RREB1: variants seen among roughly 807,000 people sequenced by gnomAD.
The protein encoded by RREB1 is ras-responsive element-binding protein 1.
Under a neutral mutation model 117.8 loss-of-function variants are expected in RREB1, and 27 were observed. The ratio of observed to expected loss-of-function variants is 0.23; its 90% CI spans 0.17 to 0.32. The LOEUF (loss-of-function observed/expected upper bound fraction) is 0.32. Among genes scored for constraint, RREB1 ranks in the 10% least tolerant of loss-of-function variants. The pLI, the probability that RREB1 is intolerant of heterozygous loss-of-function variation, is 1.00. For missense variants in RREB1, 2,577 were observed against 2,378.2 expected, an observed-to-expected ratio of 1.08 and a Z score of -1.74; for synonymous variants, 1,298 against 1,026.7, an observed-to-expected ratio of 1.26 and a Z score of -5.05.
chr6:7,200,625 T>G (rs1170420378), intron 6 of RREB1, among the ~76,000 whole-genome samples: 1 of 152,230 alleles, frequency 6.6e-6, no homozygotes, highest in Admixed American at 6.5e-5. Flanking sequence ...TGCTTACTTT[T>G]GATTTAGAAT....
At chr6:7,108,316 TTCCTCC>T (rs143321297) in intron 1 of RREB1, among the ~76,000 whole-genome samples, 12 of 148,172 alleles carry the variant, frequency 8.1e-5, no homozygotes, top group East Asian at 6.0e-4. Context: ...CGCCGGGCCA[TTCCTCC>T]TCCTCCTCCT....
rs558409864 is a variant in RREB1, at chr6:7,231,545, C to T, written c.3446C>T (p.Thr1149Met). 6.2e-6 allele frequency: 10 copies of T among 1,609,320 alleles called. No individual in the cohort carries two copies. Among genetic ancestry groups the T allele is most frequent in the African/African-American group, 5.3e-5 (4 of 74,856 alleles). ...ASPTEQGPAG[T>M]SKKRGRKRGM... ...CCCACCGAGCAGGGCCCAGCGGGCACGTCGAAGAAGAGGGGCCGGAAAAGG... is the reference window on the plus strand; with the variant it reads ...CCCACCGAGCAGGGCCCAGCGGGCATGTCGAAGAAGAGGGGCCGGAAAAGG... The change falls in exon 10 of 13, where the codon ACG (threonine) becomes ATG (methionine). Residue 1149 changes from threonine to methionine, a missense_variant. Coordinates refer to ENST00000379938, the MANE Select transcript of RREB1 (RefSeq NM_001003699.4).
chr6:7,171,822 T>C (rs1014043885), intron 1 of RREB1, among the ~76,000 whole-genome samples: 74 of 152,050 alleles, frequency 4.9e-4, no homozygotes, highest in African/African-American at 1.7e-3. Context: ...CAGGCAGATA[T>C]TCTGGGGCAA....
At chr6:7,227,489 C>T (rs954061743) in intron 9 of RREB1, among the ~76,000 whole-genome samples, 2 of 151,666 alleles carry the variant, frequency 1.3e-5, no homozygotes, top group Non-Finnish European at 2.9e-5. Flanking sequence ...TGCAGTGAGT[C>T]GAGATCGCGC....
intron 4 of RREB1, 28 bp downstream of exon 4, chr6:7,182,110 C>T: frequency 6.3e-7 from 1 of 1,595,086 alleles, no homozygotes; most frequent in South Asian, 1.1e-5. Flanking sequence ...GTGGTGACCT[C>T]TGGTGGGTTC....
chr6:7,234,230 T>G (rs1768170002), intron 10 of RREB1, among the ~76,000 whole-genome samples: 2 of 152,242 alleles, frequency 1.3e-5, no homozygotes, highest in African/African-American at 2.4e-5. Context: ...CAATGTCTTT[T>G]GCTACCCTTT....
rs148118101 is a variant in RREB1, at chr6:7,182,028, G to C, written c.117G>C (p.Gly39=). 51 of 1,614,042 alleles carry C rather than the reference G, an allele frequency of 3.2e-5. No homozygotes were observed. The highest frequency in any genetic ancestry group is 4.1e-5 in the Non-Finnish European group (48 of 1,180,038). ...CAGAGAATGGCGGGAGCCCCCAGGG[G>C]ATCAAGTCCCCCTCGAAGCCTCCAG... ...KVTENGGSPQ[G]IKSPSKPPGP... is the part of the protein sequence containing the mutation. Residue 39 remains glycine, a synonymous_variant, in exon 4 of 13, where the codon GGG becomes GGC. Transcript: ENST00000379938.
chr6:7,224,036 A>AT (rs11400428), intron 8 of RREB1, among the ~76,000 whole-genome samples: 62,345 of 150,776 alleles, frequency 0.41, 15,165 homozygotes, highest in African/African-American at 0.69. Context: ...TGGACAGAAT[A>AT]TTTTTTTTTT....
chr6:7,246,715 C>A lies in RREB1; in HGVS notation c.4265C>A (p.Thr1422Asn). 6.3e-7 allele frequency: 1 copy of A among 1,584,430 alleles called. No homozygotes were observed. Among genetic ancestry groups the A allele is most frequent in the Non-Finnish European group, 8.6e-7 (1 of 1,165,856 alleles). The stretch of plus-strand genomic sequence containing the variant: ...CAGAGCCTGGACCTGGACTTCGCCA[C>A]CAAGCTCATGGACTTCAAGCTGGCG... ...SNQSLDLDFA[T>N]KLMDFKLAEG... Residue 1422 changes from threonine to asparagine, a missense_variant, in exon 12 of 13, where the codon ACC becomes AAC. By Grantham distance (65) the Thr-to-Asn change is moderately conservative. Transcript: ENST00000379938.
At chr6:7,128,256 G>A (rs1169628923) in intron 1 of RREB1, among the ~76,000 whole-genome samples, 4 of 152,084 alleles carry the variant, frequency 2.6e-5, no homozygotes, top group Admixed American at 2.6e-4. Context: ...CCGAATTGTT[G>A]GCGAACATTT....
chr6:7,149,778 T>C (rs894546689), intron 1 of RREB1, among the ~76,000 whole-genome samples: 3 of 152,154 alleles, frequency 2.0e-5, no homozygotes, highest in Non-Finnish European at 4.4e-5. Context: ...ACCTGGCGCC[T>C]CCCAGGTTCA....
chr6:7,120,261 G>T (rs1761617239), intron 1 of RREB1, among the ~76,000 whole-genome samples: 1 of 151,988 alleles, frequency 6.6e-6, no homozygotes, highest in Admixed American at 6.6e-5. Flanking sequence ...GACTGGCCTG[G>T]ACAACAAGGT....
chr6:7,108,374 C>G (rs1046955986), intron 1 of RREB1, among the ~76,000 whole-genome samples: 4 of 152,004 alleles, frequency 2.6e-5, no homozygotes, highest in African/African-American at 9.7e-5. Flanking sequence ...CCCGAGCCGC[C>G]GGCTCTGCCA....
chr6:7,221,052 C>G (rs377098197), intron 8 of RREB1, among the ~76,000 whole-genome samples: 1 of 152,230 alleles, frequency 6.6e-6, no homozygotes, highest in Non-Finnish European at 1.5e-5. Context: ...TGAACCCTCG[C>G]GTCTCCACCT....
At chr6:7,120,815 T>G (rs1251015443) in intron 1 of RREB1, among the ~76,000 whole-genome samples, 1 of 131,484 alleles carries the variant, frequency 7.6e-6, no homozygotes, top group Non-Finnish European at 1.6e-5. Context: ...CTTGGCTAAT[T>G]TTTTTTTTTT....
At chr6:7,165,280 AGT>A (rs1427097869) in intron 1 of RREB1, among the ~76,000 whole-genome samples, 1 of 152,244 alleles carries the variant, frequency 6.6e-6, no homozygotes, top group African/African-American at 2.4e-5. Context: ...AGGAGATAAA[AGT>A]GTGGACTGTT....
chr6:7,142,345 C>T (rs945364482), intron 1 of RREB1, among the ~76,000 whole-genome samples: 5 of 152,174 alleles, frequency 3.3e-5, no homozygotes, highest in African/African-American at 1.2e-4. Flanking sequence ...TTCCCAGCTG[C>T]GCTGCCCTCG....
At position 7,225,569 on chromosome 6, in the gene RREB1, G is replaced by A. The variant is rs543494703; in HGVS notation, c.708-898G>A. On this transcript the variant is annotated intron_variant, in intron 8 of 12. Coordinates refer to ENST00000379938, the MANE Select transcript of RREB1 (RefSeq NM_001003699.4). ...TGAAAAGCAGAGACAATATTATAAA[G>A]TGGTGTTTGCTATGCATCTGTGTGG... Among the ~76,000 whole-genome samples the A allele has an allele frequency of 1.9e-4, 29 of 152,282 alleles. No homozygotes were observed. The East Asian group carries it at 4.6e-3, about 24-fold the overall frequency.
chr6:7,206,708 G>A (rs1259147444), intron 6 of RREB1, among the ~76,000 whole-genome samples: 1 of 152,222 alleles, frequency 6.6e-6, no homozygotes, highest in South Asian at 2.1e-4. Flanking sequence ...ATCTGCACAA[G>A]TAGGGTGTGG....
Sources: allele counts gnomAD v4.1 joint callset (sites outside exome capture counted in the v4.1 genomes callset), GRCh38; gene constraint gnomAD v4.1.1; transcripts MANE v1.5; gene names NCBI Gene and HGNC (gene_info 2026-07-23, HGNC 2026-07-21).